The following WTIP variants were observed in gnomAD, a reference collection of about 807,000 sequenced individuals.
WTIP encodes WT1 interacting protein.
In WTIP, 23 loss-of-function variants were observed where a neutral mutation model predicts 41.7. The observed-to-expected ratio is 0.55, with a 90% CI of 0.40 to 0.78. The LOEUF (loss-of-function observed/expected upper bound fraction) is 0.78. Among genes scored for constraint, WTIP ranks in the 30% least tolerant of loss-of-function variants. The probability of loss-of-function intolerance (pLI) is 0.00; values close to 1 mark genes in which losing one functional copy is unlikely to be tolerated. For synonymous variants in WTIP, 314 were observed against 269.9 expected (o/e 1.16, Z -1.60); for missense variants, 619 against 610.5 (o/e 1.01, Z -0.15).
In WTIP at chr19:34,494,605, G is replaced by A. The variant is rs922344256; in HGVS notation, c.1051G>A (p.Ala351Thr). 2.1e-5 allele frequency: 34 copies of A among 1,613,460 alleles called. No homozygotes were observed. The highest frequency in any genetic ancestry group is 2.6e-5 in the Non-Finnish European group (31 of 1,179,782). Residue 351 changes from alanine to threonine, a missense_variant, in exon 6 of 8, where the codon GCC (alanine) becomes ACC (threonine). Physicochemically the swap from Ala to Thr is moderately conservative, Grantham distance 58. Around this residue, in one of 3 missense-constraint regions of WTIP, gnomAD observed 164 missense variants for 219.1 expected, o/e 0.75. Coordinates refer to ENST00000590071, the MANE Select transcript of WTIP (RefSeq NM_001080436.2). ...DYHTVFAPKC[A>T]SCARPILPAQ... is the part of the protein sequence containing the mutation. ...CTCTAGGGTTTTTGCACCAAAATGC[G>A]CCTCCTGTGCCCGTCCTATCCTCCC...
rs2075905173 is a variant in WTIP, at chr19:34,504,976, G to A, written c.*4707G>A. On this transcript the variant is annotated 3_prime_UTR_variant, in exon 8 of 8. Coordinates refer to ENST00000590071, the MANE Select transcript of WTIP (RefSeq NM_001080436.2). ...ACCTTGGGGTGGGGATCAAGAACAG[G>A]TCTGGGAGAGGGGGGAGCATCAGGG... The A allele has an allele frequency of 6.6e-6, 1 of 152,592 alleles. No individual in the cohort carries two copies. The highest frequency in any genetic ancestry group is 6.5e-5 in the Admixed American group (1 of 15,288). 9.5% of individuals were successfully genotyped at this position (152,592 alleles called of 1,614,324 possible).
At chr19:34,488,543 T>G (rs181570963) in intron 1 of WTIP, among the ~76,000 whole-genome samples, 4,509 of 151,750 alleles carry the variant, frequency 0.03, 210 homozygotes, top group African/African-American at 0.1. Context: ...TTTTAAAAAT[T>G]TTTGTAGAGA....
Position 34,505,443 on chromosome 19 carries a change from G to GC in WTIP, c.*5180dup. 6.6e-6 allele frequency: 1 copy of GC among 152,388 alleles called. No homozygotes were observed. The highest frequency in any genetic ancestry group is 1.5e-5 in the Non-Finnish European group (1 of 68,078). The allele number at this position is 152,388 out of a possible 1,614,324, so 9.4% of individuals were successfully genotyped here. ...GCCCAAGGATTCCCCAGGGATGCCA[G>GC]CCCCCCTGTGGGCCCTCAGGACTGG... On this transcript the variant is annotated 3_prime_UTR_variant, in exon 8 of 8. Transcript: ENST00000590071.
rs1429098107 is a variant in WTIP, at chr19:34,510,873, A to C, written c.*10604A>C. On this transcript the variant is annotated 3_prime_UTR_variant, in exon 8 of 8. Coordinates refer to ENST00000590071, the MANE Select transcript of WTIP (RefSeq NM_001080436.2). ...AGAATCACCTTTGCTCCAGTTCCCAACAAGTTCCTCATCTCCATCTGAGAC... is the reference window on the plus strand; with the variant it reads ...AGAATCACCTTTGCTCCAGTTCCCACCAAGTTCCTCATCTCCATCTGAGAC... 2 of 152,274 alleles carry C rather than the reference A, an allele frequency of 1.3e-5. No individual in the cohort carries two copies. The highest frequency in any genetic ancestry group is 4.8e-5 in the African/African-American group (2 of 41,466). 9.4% of individuals were successfully genotyped at this position (152,274 alleles called of 1,614,324 possible).
At chr19:34,496,135 CA>C in intron 7 of WTIP, among the ~76,000 whole-genome samples, 1 of 152,148 alleles carries the variant, frequency 6.6e-6, no homozygotes, top group South Asian at 2.1e-4. Flanking sequence ...CCAGCCTGGG[CA>C]ACAAGAGTGA....
intron 6 of WTIP, among the ~76,000 whole-genome samples, chr19:34,495,000 G>T (rs903900527): frequency 2.0e-5 from 3 of 152,244 alleles, no homozygotes; most frequent in African/African-American, 7.2e-5. Context: ...ACCCATGGGT[G>T]CTACAGCTCT....
At chr19:34,492,890 A>C in intron 2 of WTIP, 147 bp from the exon 3 acceptor site, 1 of 686,154 alleles carries the variant, frequency 1.5e-6, no homozygotes, top group East Asian at 2.7e-5. Flanking sequence ...TATTATAACA[A>C]TAACAACATA....
At chr19:34,490,154 G>A (rs1284738571) in intron 1 of WTIP, among the ~76,000 whole-genome samples, 2 of 152,126 alleles carry the variant, frequency 1.3e-5, no homozygotes, top group African/African-American at 2.4e-5. Context: ...TGCCCTGGGT[G>A]CTCGGCCAAG....
chr19:34,498,400 A>G (rs980141704), intron 7 of WTIP, among the ~76,000 whole-genome samples: 19 of 152,116 alleles, frequency 1.2e-4, no homozygotes, highest in Non-Finnish European at 5.9e-5. Context: ...CTTGGAGCAC[A>G]GGGCCGCTCC....
At position 34,498,070 on chromosome 19, in the gene WTIP, T is replaced by A. The variant is rs188586429; in HGVS notation, c.1153-2059T>A. Among the ~76,000 whole-genome samples the A allele has an allele frequency of 6.6e-5, 10 of 152,200 alleles. No individual in the cohort carries two copies. The East Asian group carries it at 1.7e-3, about 27-fold the overall frequency. ...CGGTAGCAGGGCCCAGCCAGTGGCC[T>A]GTGGTGGGACAGACAGGAGACCAGG... On this transcript the variant is annotated intron_variant, in intron 7 of 7. Coordinates refer to ENST00000590071, the MANE Select transcript of WTIP (RefSeq NM_001080436.2).
At position 34,482,013 on chromosome 19, in the gene WTIP, ACTC is replaced by A. The variant is rs1461151068; in HGVS notation, c.42_44del (p.Leu15del). On this transcript the variant is annotated inframe_deletion, in exon 1 of 8. Coordinates refer to ENST00000590071, the MANE Select transcript of WTIP (RefSeq NM_001080436.2). Reference sequence around the variant, plus strand: ...GGGCGGGCGCGGACGAGGCGGCCCTACTCCTGGCCGGGCTGGCCCTGCGGGAGC... The same window carrying A: ...GGGCGGGCGCGGACGAGGCGGCCCTACTGGCCGGGCTGGCCCTGCGGGAGC... 2.0e-6 allele frequency: 2 copies of A among 1,020,310 alleles called. No individual in the cohort carries two copies. Among genetic ancestry groups the A allele is most frequent in the East Asian group, 9.1e-5 (1 of 10,978 alleles). 63.2% of individuals were successfully genotyped at this position (1,020,310 alleles called of 1,614,324 possible).
At chr19:34,486,477 C>G (rs921280272) in intron 1 of WTIP, among the ~76,000 whole-genome samples, 1 of 151,624 alleles carries the variant, frequency 6.6e-6, no homozygotes, top group Admixed American at 6.6e-5. Context: ...AAGTGATTCT[C>G]CTGGCTCAGC....
At chr19:34,499,499 C>T (rs1005336667) in intron 7 of WTIP, among the ~76,000 whole-genome samples, 2 of 152,096 alleles carry the variant, frequency 1.3e-5, no homozygotes, top group African/African-American at 4.8e-5. Flanking sequence ...CAGTGAGAGA[C>T]CCTGTCTCAA....
chr19:34,482,766 A>G (rs2075775706), intron 1 of WTIP, 125 bp downstream of exon 1: 2 of 1,200,108 alleles, frequency 1.7e-6, no homozygotes, highest in South Asian at 4.3e-5. Flanking sequence ...GCAGCAGTGC[A>G]CGGGGTTGGG....
At chr19:34,499,258 C>A (rs181601823) in intron 7 of WTIP, among the ~76,000 whole-genome samples, 1 of 151,458 alleles carries the variant, frequency 6.6e-6, no homozygotes, top group Non-Finnish European at 1.5e-5. Flanking sequence ...TGCCTGTAAT[C>A]CCAGCATTTT....
Position 34,500,450 on chromosome 19 carries a change from T to C in WTIP, c.*181T>C. ...TATTCACCGTCTGTGCCTGCTCAAG[T>C]CACTTCCCTGCGGGCCCTGCCTCCC... On this transcript the variant is annotated 3_prime_UTR_variant, in exon 8 of 8. Coordinates refer to ENST00000590071, the MANE Select transcript of WTIP (RefSeq NM_001080436.2). The C allele has an allele frequency of 1.1e-6, 1 of 883,818 alleles. No individual in the cohort carries two copies. Among genetic ancestry groups the C allele is most frequent in the East Asian group, 2.8e-5 (1 of 35,284 alleles). 54.7% of individuals were successfully genotyped at this position (883,818 alleles called of 1,614,324 possible).
rs181430776 is a variant in WTIP, at chr19:34,511,218, T to A, written c.*10949T>A. 6.6e-6 allele frequency: 1 copy of A among 152,354 alleles called. No homozygotes were observed. Among genetic ancestry groups the A allele is most frequent in the East Asian group, 1.9e-4 (1 of 5,188 alleles). The allele number at this position is 152,354 out of a possible 1,614,324, so 9.4% of individuals were successfully genotyped here. On this transcript the variant is annotated 3_prime_UTR_variant, in exon 8 of 8. Coordinates refer to ENST00000590071, the MANE Select transcript of WTIP (RefSeq NM_001080436.2). ...ACATGGCTGGGAGGCCTCAGAATCA[T>A]GGCCTGAGGCAAAAGTTATGTGGTA...
chr19:34,499,084 A>G (rs1227184695), intron 7 of WTIP, among the ~76,000 whole-genome samples: 1 of 151,844 alleles, frequency 6.6e-6, no homozygotes, highest in African/African-American at 2.4e-5. Flanking sequence ...GCATGGTGGC[A>G]CATGTCTGTA....
Position 34,500,625 on chromosome 19 carries a change from T to C in WTIP, c.*356T>C. Reference sequence around the variant, plus strand: ...ATTGCTGGGTGGGAGCTGCTGTCTGTTGTTCAGGGGCCTGGCCCCCGCCCT... The same window carrying C: ...ATTGCTGGGTGGGAGCTGCTGTCTGCTGTTCAGGGGCCTGGCCCCCGCCCT... On this transcript the variant is annotated 3_prime_UTR_variant, in exon 8 of 8. Coordinates refer to ENST00000590071, the MANE Select transcript of WTIP (RefSeq NM_001080436.2). 1 of 220,834 alleles carries C rather than the reference T, an allele frequency of 4.5e-6. No individual in the cohort carries two copies. The highest frequency in any genetic ancestry group is 8.9e-6 in the Non-Finnish European group (1 of 112,618). 13.7% of individuals were successfully genotyped at this position (220,834 alleles called of 1,614,324 possible).
Sources: gnomAD v4.1 joint callset for allele counts (sites outside exome capture counted in the v4.1 genomes callset) on GRCh38, gnomAD v4.1.1 for gene constraint, gnomAD v4.1.1 regional missense constraint, MANE v1.5 for transcripts, NCBI Gene and HGNC (gene_info 2026-07-23, HGNC 2026-07-21) for gene names.